ANXA8: variants seen among roughly 807,000 people sequenced by gnomAD.
The protein encoded by ANXA8 is VAC-beta.
ANXA8 carries 9 observed loss-of-function variants against 26.8 expected under a neutral mutation model. The ratio of observed to expected loss-of-function variants is 0.34; its 90% confidence interval spans 0.20 to 0.59. ANXA8 has a LOEUF of 0.59. Ranked by LOEUF, ANXA8 falls within the 20% of genes least tolerant of loss-of-function variation. The pLI is 0.84. For synonymous variants in ANXA8, 39 were observed against 94.8 expected, an observed-to-expected ratio of 0.41 and a Z score of 3.42; for missense variants, 83 against 238.5, an observed-to-expected ratio of 0.35 and a Z score of 4.29.
the ANXA8 span, among the ~76,000 whole-genome samples, chr10:47,735,195 G>A: frequency 6.1e-5 from 9 of 147,262 alleles, no homozygotes; most frequent in African/African-American, 1.3e-4. Context: ...TACCTCCTGG[G>A]CGCAAGCAAT....
At chr10:47,591,545 G>A in the ANXA8 span, among the ~76,000 whole-genome samples, 2 of 137,444 alleles carry the variant, frequency 1.5e-5, no homozygotes, top group South Asian at 2.2e-4. Flanking sequence ...CCGGGTTCAC[G>A]ACATTCTCCT....
At chr10:47,645,023 G>A in the ANXA8 span, among the ~76,000 whole-genome samples, 23 of 151,746 alleles carry the variant, frequency 1.5e-4, no homozygotes, top group African/African-American at 5.3e-4. Context: ...GGCATTTAAT[G>A]TATTATTAGA....
chr10:47,925,413 CT>C, the ANXA8 span, among the ~76,000 whole-genome samples: 86 of 138,804 alleles, frequency 6.2e-4, no homozygotes, highest in Middle Eastern at 3.7e-3. Flanking sequence ...TCAGGCCCCC[CT>C]GGATCCCACG....
At chr10:47,484,565 G>C (rs1358866164), upstream of ANXA8, 4 of 1,419,202 alleles carry the variant, frequency 2.8e-6, no homozygotes, top group East Asian at 1.0e-4. Flanking sequence ...CTGTCAGACC[G>C]GTGATGGCCT....
the ANXA8 span, among the ~76,000 whole-genome samples, chr10:47,513,280 G>A: frequency 1.5e-3 from 218 of 141,670 alleles, no homozygotes; most frequent in African/African-American, 5.5e-3. Flanking sequence ...TGATCCGTCC[G>A]CCTCAGCCTC....
chr10:47,480,794 C>T lies in ANXA8; in HGVS notation c.22-906G>A, dbSNP rs1207204096. Among the ~76,000 whole-genome samples the T allele has an allele frequency of 1.1e-4, 13 of 119,186 alleles. 1 individual carries two copies. The East Asian group carries it at 1.7e-3, about 16-fold the overall frequency. The allele number at this position is 119,186 out of a possible 152,430, so 78.2% of individuals were successfully genotyped here. On this transcript the variant is annotated intron_variant, in intron 1 of 11. Coordinates refer to ENST00000585281, the MANE Select transcript of ANXA8 (RefSeq NM_001040084.3). ...ATCTGCCCATCTACTTTCCCACCTA[C>T]GCACTTACCCATTTGACTACCACAT...
chr10:47,944,688 C>G, the ANXA8 span, among the ~76,000 whole-genome samples: 4 of 150,700 alleles, frequency 2.7e-5, no homozygotes, highest in South Asian at 8.4e-4. Flanking sequence ...TTTTGCCTGC[C>G]ACCATGTAGG....
chr10:47,944,139 A>G, the ANXA8 span, among the ~76,000 whole-genome samples: 8 of 145,648 alleles, frequency 5.5e-5, no homozygotes, highest in Admixed American at 1.4e-4. Context: ...AGTAGCTGAA[A>G]CAGATTTGGT....
chr10:47,682,469 C>CTTTTTTTTTTTT, the ANXA8 span, among the ~76,000 whole-genome samples: 4 of 121,652 alleles, frequency 3.3e-5, no homozygotes, highest in African/African-American at 6.8e-5. Context: ...CTTTCTTTTT[C>CTTTTTTTTTTTT]TTTTTTTTTT....
At chr10:47,899,013 T>A in the ANXA8 span, among the ~76,000 whole-genome samples, 4 of 150,696 alleles carry the variant, frequency 2.7e-5, no homozygotes, top group Non-Finnish European at 4.4e-5. Context: ...TTTGTATTTT[T>A]TTTTAGTATA....
the ANXA8 span, among the ~76,000 whole-genome samples, chr10:47,769,695 A>G: frequency 2.0e-5 from 3 of 152,266 alleles, no homozygotes; most frequent in East Asian, 5.8e-4. Context: ...AAATCAGTTA[A>G]AAGTGCTGAG....
the ANXA8 span, among the ~76,000 whole-genome samples, chr10:47,674,372 TCCTC>T: frequency 6.6e-6 from 1 of 151,156 alleles, no homozygotes; most frequent in Non-Finnish European, 1.5e-5. Flanking sequence ...GCTCATGCAA[TCCTC>T]CCACTTCAGC....
At chr10:47,772,583 C>T in the ANXA8 span, among the ~76,000 whole-genome samples, 283 of 152,010 alleles carry the variant, frequency 1.9e-3, no homozygotes, top group African/African-American at 6.5e-3. Flanking sequence ...ATTTCAATTC[C>T]AATTTTACAG....
At chr10:47,954,745 A>G in the ANXA8 span, among the ~76,000 whole-genome samples, 3 of 151,074 alleles carry the variant, frequency 2.0e-5, no homozygotes, top group African/African-American at 7.3e-5. Context: ...TTTATTCAAG[A>G]GGAATAAAAA....
upstream of ANXA8, among the ~76,000 whole-genome samples, chr10:47,488,671 C>A (rs1840087942): frequency 7.1e-6 from 1 of 140,180 alleles, no homozygotes; most frequent in African/African-American, 2.6e-5. Flanking sequence ...TCATAGCTCA[C>A]ACACATCAAT....
At chr10:47,595,485 C>T in the ANXA8 span, among the ~76,000 whole-genome samples, 3 of 149,072 alleles carry the variant, frequency 2.0e-5, 1 homozygote, top group African/African-American at 7.7e-5. Context: ...ATAAAAAAAT[C>T]AGAATCACCC....
At chr10:47,622,693 G>A in the ANXA8 span, among the ~76,000 whole-genome samples, 2 of 93,432 alleles carry the variant, frequency 2.1e-5, no homozygotes, top group East Asian at 4.6e-4. Context: ...CTAAACTGTG[G>A]CAGCAAGTTT....
chr10:47,474,869 A>C, intron 7 of ANXA8, 76 bp downstream of exon 7: 2 of 1,503,716 alleles, frequency 1.3e-6, no homozygotes, highest in Non-Finnish European at 1.8e-6. Flanking sequence ...GTGTCAGAGA[A>C]AGCCCCCGTG....
chr10:47,701,737 C>T, the ANXA8 span, among the ~76,000 whole-genome samples: 32 of 151,146 alleles, frequency 2.1e-4, no homozygotes, highest in African/African-American at 7.5e-4. Flanking sequence ...ACAGGGGGCA[C>T]GTAGGAGAGG....
Sources: allele counts gnomAD v4.1 joint callset (sites outside exome capture counted in the v4.1 genomes callset), GRCh38; gene constraint gnomAD v4.1.1; transcripts MANE v1.5; gene names NCBI Gene and HGNC (gene_info 2026-07-23, HGNC 2026-07-21).